SUMF2: variants seen among roughly 807,000 people sequenced by gnomAD.
The protein encoded by SUMF2 is inactive C-alpha-formylglycine-generating enzyme 2.
SUMF2 carries 45 observed loss-of-function variants against 44.8 expected under a neutral mutation model. That is an observed-to-expected ratio of 1.00 (90% CI 0.79 to 1.29). The LOEUF is 1.29. Among genes scored for constraint, SUMF2 ranks in the 50% most tolerant of loss-of-function variants. The pLI is 0.00. For missense variants in SUMF2, 418 were observed against 389.9 expected, an observed-to-expected ratio of 1.07 and a Z score of -0.61; for synonymous variants, 148 against 150.4, an observed-to-expected ratio of 0.98 and a Z score of 0.12.
intron 5 of SUMF2, among the ~76,000 whole-genome samples, chr7:56,075,718 C>T (rs1201894897): frequency 6.6e-6 from 1 of 150,876 alleles, no homozygotes; most frequent in Non-Finnish European, 1.5e-5. Context: ...AAAAAAGAAT[C>T]ACTGTTTGCT....
Position 56,064,322 on chromosome 7 carries a change from A to T in SUMF2, c.11A>T (p.His4Leu). The T allele has an allele frequency of 6.3e-7, 1 of 1,597,136 alleles. No individual in the cohort carries two copies. Among genetic ancestry groups the T allele is most frequent in the Non-Finnish European group, 8.5e-7 (1 of 1,172,318 alleles). ...AGCGCGGCAGTCCTGATGGCCCGGC[A>T]TGGGTTACCGCTGCTGCCCCTGCTG... MAR[H>L]GLPLLPLLSL... Residue 4 changes from histidine to leucine, a missense_variant, in exon 1 of 9, where the codon CAT (histidine) becomes CTT (leucine). By Grantham distance (99) the His-to-Leu change is moderately conservative. Coordinates refer to ENST00000434526, the MANE Select transcript of SUMF2 (RefSeq NM_015411.4).
intron 1 of SUMF2, 34 bp downstream of exon 1, chr7:56,064,412 G>A (rs1458228920): frequency 6.3e-7 from 1 of 1,582,736 alleles, no homozygotes; most frequent in South Asian, 1.1e-5. Context: ...TGGGGGCGCT[G>A]GGAAGGGGAT....
At chr7:56,087,022 G>A in the SUMF2 span, 9 of 1,612,464 alleles carry the variant, frequency 5.6e-6, no homozygotes, top group Admixed American at 8.3e-5. Context: ...TCCTTCAGCT[G>A]TACTGAAATG....
At chr7:56,074,915 T>C in intron 5 of SUMF2, 179 bp downstream of exon 5, 3 of 678,428 alleles carry the variant, frequency 4.4e-6, no homozygotes, top group East Asian at 3.0e-5. Context: ...CTGGGCAATA[T>C]AGGGAGACCC....
intron 3 of SUMF2, chr7:56,073,316 A>G (rs1795302992): frequency 1.6e-6 from 1 of 628,886 alleles, no homozygotes; most frequent in Non-Finnish European, 2.9e-6. Context: ...CTCTTGCCTA[A>G]ATGTCCAAGT....
intron 1 of SUMF2, among the ~76,000 whole-genome samples, chr7:56,065,624 G>A (rs1207839314): frequency 1.3e-5 from 2 of 151,904 alleles, no homozygotes; most frequent in African/African-American, 4.8e-5. Context: ...GTGGGGCGGG[G>A]GGCAAGGTCT....
At chr7:56,081,486 C>G, downstream of SUMF2, 1 of 1,234,378 alleles carries the variant, frequency 8.1e-7, no homozygotes, top group Admixed American at 2.0e-5. This position sits in a 1 kb window ranked among gnomAD's most constrained non-coding sequence, Gnocchi z 4.6. Flanking sequence ...TGACACCTGC[C>G]GTCTTTGAAG....
chr7:56,064,358 T>G lies in SUMF2; in HGVS notation c.47T>G (p.Val16Gly), dbSNP rs1054270698. 7 of 1,604,270 alleles carry G rather than the reference T, an allele frequency of 4.4e-6. No individual in the cohort carries two copies. The highest frequency in any genetic ancestry group is 3.4e-5 in the Admixed American group (2 of 58,386). ...LPLLPLLSLL[V>G]GAWLKLGNGQ... is the part of the protein sequence containing the mutation. ...CTGCTGCCCCTGCTGTCGCTCCTGG[T>G]CGGCGCGTGGCTCAAGCTAGGTCAG... The change falls in exon 1 of 9, where the codon GTC (valine) becomes GGC (glycine). Residue 16 changes from valine (V) to glycine (G), a missense_variant. Physicochemically the swap from Val to Gly is moderately radical, Grantham distance 109. Transcript: ENST00000434526.
At chr7:56,081,834 G>A, downstream of SUMF2, 1 of 1,609,254 alleles carries the variant, frequency 6.2e-7, no homozygotes, top group African/African-American at 1.3e-5. The surrounding 1 kb of genome is among the most constrained non-coding windows in gnomAD (Gnocchi z 4.6). Context: ...GGCCTCCCCG[G>A]GCAGGGGCGC....
At chr7:56,067,897 A>G (rs1189267332) in intron 1 of SUMF2, among the ~76,000 whole-genome samples, 5 of 150,376 alleles carry the variant, frequency 3.3e-5, no homozygotes, top group African/African-American at 9.7e-5. Context: ...CTGTCACGAA[A>G]AAAAAAAAAA....
At chr7:56,078,325 C>A in intron 7 of SUMF2, 39 bp from the exon 8 acceptor site, 1 of 1,557,170 alleles carries the variant, frequency 6.4e-7, no homozygotes, top group Non-Finnish European at 8.7e-7. Context: ...GGGTGGTCGG[C>A]GGGTCCCAGC....
intron 6 of SUMF2, 25 bp from the exon 7 acceptor site, chr7:56,078,077 C>G: frequency 1.3e-6 from 2 of 1,593,226 alleles, no homozygotes; most frequent in Non-Finnish European, 1.7e-6. Context: ...GTGGTAAATC[C>G]TTTACCCTTC....
downstream of SUMF2, chr7:56,083,502 GAC>G (rs754907662): frequency 6.8e-5 from 107 of 1,585,056 alleles, no homozygotes; most frequent in Non-Finnish European, 8.9e-5. Context: ...CAGGCAGGGA[GAC>G]ACAGCTCACA....
At chr7:56,083,105 C>CAA (rs374270655), downstream of SUMF2, 824 of 442,066 alleles carry the variant, frequency 1.9e-3, no homozygotes, top group Non-Finnish European at 2.1e-3. Context: ...GACTCCATCT[C>CAA]AAAAAAAAAA....
chr7:56,079,293 C>T, intron 8 of SUMF2: 1 of 572,178 alleles, frequency 1.7e-6, no homozygotes, highest in Non-Finnish European at 3.1e-6. Flanking sequence ...CACTGTCCCT[C>T]CCCCTACTCT....
At position 56,080,001 on chromosome 7, in the gene SUMF2, C is replaced by A; in HGVS notation, c.*389C>A. The A allele has an allele frequency of 1.1e-6, 1 of 897,560 alleles. No individual in the cohort carries two copies. Among genetic ancestry groups the A allele is most frequent in the Non-Finnish European group, 1.7e-6 (1 of 601,340 alleles). The allele number at this position is 897,560 out of a possible 1,614,324, so 55.6% of individuals were successfully genotyped here. Reference sequence around the variant, plus strand: ...GGAAGCTGACATTGTTTCCTCAAGGCAGAATTTTCCTGGTTCTGTTTTCTC... The same window carrying A: ...GGAAGCTGACATTGTTTCCTCAAGGAAGAATTTTCCTGGTTCTGTTTTCTC... On this transcript the variant is annotated 3_prime_UTR_variant, in exon 9 of 9. Coordinates refer to ENST00000434526, the MANE Select transcript of SUMF2 (RefSeq NM_015411.4).
In SUMF2 at chr7:56,066,324, TAA is replaced by T. The variant is rs200761588; in HGVS notation, c.67+1948_67+1949del. 7.2e-3 allele frequency among the ~76,000 whole-genome samples: 1,102 copies of T among 152,298 alleles called. 10 individuals carry two copies. Among genetic ancestry groups the T allele is most frequent in the African/African-American group, 0.024 (1,001 of 41,556 alleles). On this transcript the variant is annotated intron_variant, in intron 1 of 8. Transcript: ENST00000434526. ...GTATGGCTTATTGGAAACAGCACCGTAAAGAGACCTAAATCTAGTCCTGTCTC... is the reference window on the plus strand; with the variant it reads ...GTATGGCTTATTGGAAACAGCACCGTAGAGACCTAAATCTAGTCCTGTCTC...
intron 5 of SUMF2, among the ~76,000 whole-genome samples, chr7:56,075,408 T>C (rs1795468088): frequency 1.3e-5 from 2 of 151,676 alleles, no homozygotes; most frequent in African/African-American, 4.8e-5. Context: ...TAAGAGTCAC[T>C]GTTTGCGGCC....
chr7:56,078,192 A>T lies in SUMF2; in HGVS notation c.676+6A>T, dbSNP rs1411892373. ...CCCCGCCCAGAACAACTACGGTAAGAGCTGTCTTGGGCTTGCGGCTGTGCC... is the reference window on the plus strand; with the variant it reads ...CCCCGCCCAGAACAACTACGGTAAGTGCTGTCTTGGGCTTGCGGCTGTGCC... On this transcript the variant is annotated splice_donor_region_variant and intron_variant, in intron 7 of 8. Coordinates refer to ENST00000434526, the MANE Select transcript of SUMF2 (RefSeq NM_015411.4). 8 of 1,609,506 alleles carry T rather than the reference A, an allele frequency of 5.0e-6. No individual in the cohort carries two copies. In the South Asian group the frequency reaches 6.6e-5, roughly 13 times the overall value.
Sources: gnomAD v4.1 joint callset for allele counts (sites outside exome capture counted in the v4.1 genomes callset) on GRCh38, gnomAD v4.1.1 for gene constraint, Gnocchi (gnomAD v3.1) non-coding constraint, MANE v1.5 for transcripts, NCBI Gene and HGNC (gene_info 2026-07-23, HGNC 2026-07-21) for gene names.